The following LOXHD1 variants were observed in gnomAD, a reference collection of about 807,000 sequenced individuals.
LOXHD1 encodes lipoxygenase homology domain-containing protein 1.
Under a neutral mutation model 248.2 loss-of-function variants are expected in LOXHD1, and 205 were observed. The ratio of observed to expected loss-of-function variants is 0.83; its 90% CI spans 0.74 to 0.93. LOXHD1 has a LOEUF of 0.93. Among genes scored for constraint, LOXHD1 ranks in the 40% least tolerant of loss-of-function variants. The pLI, the probability that LOXHD1 is intolerant of heterozygous loss-of-function variation, is 0.00. For missense variants in LOXHD1, 2,930 were observed against 2,971.6 expected, an observed-to-expected ratio of 0.99 and a Z score of 0.33; for synonymous variants, 1,113 against 1,162.8, an observed-to-expected ratio of 0.96 and a Z score of 0.87.
At chr18:46,593,884 C>T in intron 9 of LOXHD1, 124 bp from the exon 10 acceptor site, 2 of 989,160 alleles carry the variant, frequency 2.0e-6, no homozygotes, top group Non-Finnish European at 1.5e-6. Flanking sequence ...CAGGTGTGTC[C>T]CACTCTCAGA....
intron 5 of LOXHD1, among the ~76,000 whole-genome samples, chr18:46,617,539 C>T (rs77805969): frequency 1.0e-4 from 15 of 145,586 alleles, no homozygotes; most frequent in Admixed American, 1.0e-3. Flanking sequence ...GGAGATTTCT[C>T]TTTTTTTTTT....
intron 21 of LOXHD1, among the ~76,000 whole-genome samples, chr18:46,549,738 C>A (rs1290411314): frequency 6.6e-6 from 1 of 152,162 alleles, no homozygotes; most frequent in Non-Finnish European, 1.5e-5. Flanking sequence ...AAATCCCACC[C>A]AACATATTTG....
At chr18:46,570,934 G>A (rs1303316580) in intron 15 of LOXHD1, among the ~76,000 whole-genome samples, 1 of 152,114 alleles carries the variant, frequency 6.6e-6, no homozygotes, top group Non-Finnish European at 1.5e-5. Flanking sequence ...TGAAATAGGG[G>A]CTTGCTGGAC....
chr18:46,550,127 A>G (rs369279985), intron 21 of LOXHD1, among the ~76,000 whole-genome samples: 16 of 152,372 alleles, frequency 1.1e-4, no homozygotes, highest in Middle Eastern at 3.4e-3. Flanking sequence ...TACCCTAATT[A>G]AAGACAACGT....
chr18:46,560,596 C>A (rs531949448), intron 18 of LOXHD1, 51 bp from the exon 19 acceptor site: 1 of 1,455,454 alleles, frequency 6.9e-7, no homozygotes. Context: ...TCCTCCCCAA[C>A]GCCCCCAACA....
chr18:46,578,093 G>C (rs983880418), intron 13 of LOXHD1, among the ~76,000 whole-genome samples: 5 of 152,140 alleles, frequency 3.3e-5, no homozygotes, highest in Non-Finnish European at 4.4e-5. Flanking sequence ...CCTTTCAAAA[G>C]GCAGCTTCCT....
At chr18:46,584,183 G>T (rs191693280) in intron 12 of LOXHD1, among the ~76,000 whole-genome samples, 167 of 152,170 alleles carry the variant, frequency 1.1e-3, no homozygotes, top group African/African-American at 3.9e-3. Flanking sequence ...TAGAGGCAGG[G>T]AATTGAATAA....
At chr18:46,588,892 GGTGAAGT>G (rs1010495758) in intron 12 of LOXHD1, among the ~76,000 whole-genome samples, 2 of 152,172 alleles carry the variant, frequency 1.3e-5, no homozygotes, top group African/African-American at 4.8e-5. Context: ...TCAAGGGTGA[GGTGAAGT>G]GTACCAAGGT....
intron 37 of LOXHD1, 63 bp downstream of exon 37, chr18:46,505,772 GAAT>G: frequency 6.6e-7 from 1 of 1,510,940 alleles, no homozygotes; most frequent in East Asian, 2.5e-5. Context: ...GCCAGGGAGG[GAAT>G]AATGGCTCAG....
chr18:46,583,471 C>T (rs1279614461), intron 12 of LOXHD1, among the ~76,000 whole-genome samples: 1 of 151,818 alleles, frequency 6.6e-6, no homozygotes, highest in Non-Finnish European at 1.5e-5. Flanking sequence ...AATTAAATGA[C>T]TCAACAGCAA....
chr18:46,629,653 A>C (rs2038793159), intron 4 of LOXHD1, among the ~76,000 whole-genome samples: 2 of 152,062 alleles, frequency 1.3e-5, no homozygotes, highest in Admixed American at 1.3e-4. Context: ...GCCTGGAATA[A>C]AACTATAACC....
intron 21 of LOXHD1, among the ~76,000 whole-genome samples, chr18:46,547,413 C>G (rs964567341): frequency 1.3e-5 from 2 of 152,144 alleles, no homozygotes; most frequent in Admixed American, 1.3e-4. Context: ...CTAGCCAGGG[C>G]TACTTTAGTA....
At chr18:46,546,871 G>T (rs748542453) in intron 22 of LOXHD1, 24 bp downstream of exon 22, 4 of 1,541,126 alleles carry the variant, frequency 2.6e-6, no homozygotes, top group Admixed American at 2.0e-5. Context: ...GCTGGAGAAA[G>T]AAATCAGCTC....
rs187246163 is a variant in LOXHD1, at chr18:46,630,522, C to T, written c.511+9094G>A. Among the ~76,000 whole-genome samples, 3 of 152,358 alleles carry T rather than the reference C, an allele frequency of 2.0e-5. No homozygotes were observed. The East Asian group carries it at 5.8e-4, about 29-fold the overall frequency. Reference sequence around the variant, plus strand: ...CCTTCAAGACCCAATATGAGGTCATCCCAAATCTACCTGGAGAGCACACGC... The same window carrying T: ...CCTTCAAGACCCAATATGAGGTCATTCCAAATCTACCTGGAGAGCACACGC... On this transcript the variant is annotated intron_variant, in intron 4 of 40. Coordinates refer to ENST00000642948, the MANE Select transcript of LOXHD1 (RefSeq NM_001384474.1).
At chr18:46,607,173 A>T (rs1389017191) in intron 6 of LOXHD1, among the ~76,000 whole-genome samples, 11 of 151,982 alleles carry the variant, frequency 7.2e-5, no homozygotes, top group Non-Finnish European at 1.0e-4. Flanking sequence ...TGTCTCAAAA[A>T]AAAAAAAATT....
chr18:46,529,606 T>C (rs1360828328), intron 28 of LOXHD1, among the ~76,000 whole-genome samples: 1 of 152,184 alleles, frequency 6.6e-6, no homozygotes, highest in Non-Finnish European at 1.5e-5. Flanking sequence ...ACGATCTATC[T>C]GCCCATATAG....
chr18:46,489,226 C>G, intron 37 of LOXHD1, 84 bp from the exon 38 acceptor site: 1 of 1,379,866 alleles, frequency 7.2e-7, no homozygotes, highest in Non-Finnish European at 1.0e-6. Context: ...AACCCATTGG[C>G]TGTGTGGCCC....
chr18:46,505,422 A>G (rs746051345), intron 37 of LOXHD1, among the ~76,000 whole-genome samples: 5 of 152,166 alleles, frequency 3.3e-5, no homozygotes, highest in Non-Finnish European at 5.9e-5. Context: ...GGCTCAAGCA[A>G]TCCTCTCACC....
intron 8 of LOXHD1, among the ~76,000 whole-genome samples, chr18:46,600,279 T>A (rs554583788): frequency 1.6e-4 from 25 of 152,190 alleles, no homozygotes; most frequent in African/African-American, 6.0e-4. Context: ...TTTGGACAAA[T>A]CTCTAAAACA....
Sources: gnomAD v4.1 joint callset for allele counts (sites outside exome capture counted in the v4.1 genomes callset) on GRCh38, gnomAD v4.1.1 for gene constraint, MANE v1.5 for transcripts, NCBI Gene and HGNC (gene_info 2026-07-23, HGNC 2026-07-21) for gene names.